DNAH9: variants seen among roughly 807,000 people sequenced by gnomAD.
The protein encoded by DNAH9 is DNAH9 variant protein.
In DNAH9, 345 loss-of-function variants were observed where a neutral mutation model predicts 471.6. The ratio of observed to expected loss-of-function variants is 0.73; its 90% confidence interval spans 0.67 to 0.80. The LOEUF is 0.80. DNAH9 is among the 30% of genes least tolerant of loss of function. The probability of loss-of-function intolerance (pLI) is 0.00; values close to 1 mark genes in which losing one functional copy is unlikely to be tolerated. For synonymous variants in DNAH9, 2,093 were observed against 2,123.6 expected, an observed-to-expected ratio of 0.99 and a Z score of 0.40; for missense variants, 5,407 against 5,609.2, an observed-to-expected ratio of 0.96 and a Z score of 1.15.
At chr17:11,666,227 CA>C (rs2073864872) in intron 15 of DNAH9, among the ~76,000 whole-genome samples, 3 of 152,272 alleles carry the variant, frequency 2.0e-5, no homozygotes, top group African/African-American at 7.2e-5. Flanking sequence ...GCTGGAGGTT[CA>C]GGGGGCTTCA....
At chr17:11,610,994 G>A (rs200315205) in intron 3 of DNAH9, among the ~76,000 whole-genome samples, 23 of 152,142 alleles carry the variant, frequency 1.5e-4, no homozygotes, top group Middle Eastern at 3.4e-3. Context: ...CTCATCACTC[G>A]CAGGGCTGGA....
chr17:11,823,351 C>T (rs183805812), intron 48 of DNAH9, among the ~76,000 whole-genome samples: 20 of 152,236 alleles, frequency 1.3e-4, no homozygotes, highest in African/African-American at 3.6e-4. Flanking sequence ...CTGATCCATC[C>T]GCTCTCATTG....
Position 11,626,517 on chromosome 17 carries a change from T to C in DNAH9, c.1351-2900T>C, listed in dbSNP as rs993399839. Among the ~76,000 whole-genome samples, 4 of 152,184 alleles carry C rather than the reference T, an allele frequency of 2.6e-5. No individual in the cohort carries two copies. The highest frequency in any genetic ancestry group is 9.6e-5 in the African/African-American group (4 of 41,452). On this transcript the variant is annotated intron_variant, in intron 6 of 68. Coordinates refer to ENST00000262442, the MANE Select transcript of DNAH9 (RefSeq NM_001372.4). The surrounding 1 kb of genome is among the most constrained non-coding windows in gnomAD (Gnocchi z 4.3). ...GCGATGGAGAGCTCCCTCCCTCTCT[T>C]TGTAGCCCATTCTACAGCATTAGAT...
chr17:11,862,888 T>C (rs1325983329), intron 50 of DNAH9, among the ~76,000 whole-genome samples: 2 of 152,030 alleles, frequency 1.3e-5, no homozygotes, highest in East Asian at 3.9e-4. Context: ...GAGACTTTGC[T>C]GAAGTTGCTT....
At chr17:11,764,375 G>T (rs1218901720) in intron 36 of DNAH9, among the ~76,000 whole-genome samples, 1 of 152,164 alleles carries the variant, frequency 6.6e-6, no homozygotes, top group Non-Finnish European at 1.5e-5. Flanking sequence ...ATTATTGTAT[G>T]ACAGTTAAGA....
intron 35 of DNAH9, among the ~76,000 whole-genome samples, chr17:11,759,955 G>T (rs1967594788): frequency 6.6e-6 from 1 of 152,046 alleles, no homozygotes; most frequent in Non-Finnish European, 1.5e-5. Context: ...CAAAGTGCTG[G>T]GATTACAGGC....
chr17:11,689,565 G>T lies in DNAH9; in HGVS notation c.3744-1G>T. The T allele has an allele frequency of 6.2e-7, 1 of 1,608,598 alleles. No individual in the cohort carries two copies. On this transcript the variant is annotated splice_acceptor_variant, in intron 19 of 68. Transcript: ENST00000262442. LOFTEE classifies it high-confidence loss of function. ...ACAAAGGAACACACTGTGTTTTGTA[G>T]GTTTGATAGCATCCACCCTCATCAA...
In DNAH9 at chr17:11,871,637, G is replaced by T. The variant is rs758809350; in HGVS notation, c.10093G>T (p.Ala3365Ser). The T allele has an allele frequency of 4.3e-6, 7 of 1,614,194 alleles. No homozygotes were observed. The Admixed American group carries it at 1.2e-4, about 27-fold the overall frequency. The change falls in exon 52 of 69, where the codon GCC (alanine) becomes TCC (serine). Residue 3365 changes from alanine (A) to serine (S), a missense_variant. Coordinates refer to ENST00000262442, the MANE Select transcript of DNAH9 (RefSeq NM_001372.4). Reference sequence around the variant, plus strand: ...TTCTGAAAACGTGAGGTGGGCAGATGCCGTGCAGAACTTCAAACAGCAGGA... The same window carrying T: ...TTCTGAAAACGTGAGGTGGGCAGATTCCGTGCAGAACTTCAAACAGCAGGA... ...LASENVRWAD[A>S]VQNFKQQERT...
chr17:11,653,219 A>G lies in DNAH9; in HGVS notation c.2595+217A>G, dbSNP rs58466999. On this transcript the variant is annotated intron_variant, in intron 14 of 68. Transcript: ENST00000262442. The stretch of plus-strand genomic sequence containing the variant: ...ATGTGTTGAAATTATTACTATCTTC[A>G]TGGTGACAACATTTAATTGTCACAT... 6.1e-4 allele frequency among the ~76,000 whole-genome samples: 93 copies of G among 152,346 alleles called. 1 individual carries two copies. The highest frequency in any genetic ancestry group is 3.4e-3 in the Middle Eastern group (1 of 294).
chr17:11,860,365 CT>C (rs1206378181), intron 50 of DNAH9, among the ~76,000 whole-genome samples: 1 of 152,186 alleles, frequency 6.6e-6, no homozygotes, highest in African/African-American at 2.4e-5. Context: ...TCTTATTCTG[CT>C]TTGGCTCATT....
chr17:11,686,378 C>T (rs1197090014), intron 19 of DNAH9, among the ~76,000 whole-genome samples: 2 of 152,148 alleles, frequency 1.3e-5, no homozygotes, highest in African/African-American at 2.4e-5. Flanking sequence ...TACATTTTGC[C>T]TTATTATTTC....
At chr17:11,711,835 TGTA>T (rs1443118740) in intron 26 of DNAH9, among the ~76,000 whole-genome samples, 1 of 142,820 alleles carries the variant, frequency 7.0e-6, no homozygotes, top group African/African-American at 2.6e-5. Context: ...TTTTTAAAGT[TGTA>T]GTTGCTATAG....
intron 61 of DNAH9, among the ~76,000 whole-genome samples, chr17:11,910,459 T>G (rs1377987501): frequency 6.6e-6 from 1 of 152,238 alleles, no homozygotes; most frequent in Non-Finnish European, 1.5e-5. Context: ...TATTCATCTG[T>G]TGATGGACAC....
intron 35 of DNAH9, among the ~76,000 whole-genome samples, chr17:11,762,770 G>GTTTTGTTTTTTTTT (rs1967747335): frequency 1.1e-5 from 1 of 90,744 alleles, no homozygotes. Flanking sequence ...TTTTTTTTTT[G>GTTTTGTTTTTTTTT]TTTTTTTTTT....
chr17:11,809,362 G>A (rs964119839), intron 44 of DNAH9, among the ~76,000 whole-genome samples: 3 of 152,088 alleles, frequency 2.0e-5, no homozygotes, highest in Admixed American at 1.3e-4. Context: ...TCAGGAGATC[G>A]AAACCATCCT....
chr17:11,942,488 G>A lies in DNAH9; in HGVS notation c.12843+3G>A. 1 of 1,612,878 alleles carries A rather than the reference G, an allele frequency of 6.2e-7. No individual in the cohort carries two copies. Among genetic ancestry groups the A allele is most frequent in the Non-Finnish European group, 8.5e-7 (1 of 1,179,426 alleles). On this transcript the variant is annotated splice_donor_region_variant and intron_variant, in intron 67 of 68. Coordinates refer to ENST00000262442, the MANE Select transcript of DNAH9 (RefSeq NM_001372.4). The stretch of plus-strand genomic sequence containing the variant: ...GGGAGCTGGAGCTCGGCTTAAAGGT[G>A]AGCGCGGTCTTGTAAGGCATGGAGG...
intron 26 of DNAH9, among the ~76,000 whole-genome samples, chr17:11,718,421 G>A (rs1184748100): frequency 1.3e-5 from 2 of 152,238 alleles, no homozygotes; most frequent in Admixed American, 6.5e-5. Flanking sequence ...ATTGTGCTAC[G>A]CACAAGTCTT....
Position 11,623,119 on chromosome 17 carries a change from A to G in DNAH9, c.1350+3338A>G, listed in dbSNP as rs890628504. Among the ~76,000 whole-genome samples, 1 of 151,654 alleles carries G rather than the reference A, an allele frequency of 6.6e-6. No homozygotes were observed. The highest frequency in any genetic ancestry group is 1.9e-4 in the East Asian group (1 of 5,144). On this transcript the variant is annotated intron_variant, in intron 6 of 68. Coordinates refer to ENST00000262442, the MANE Select transcript of DNAH9 (RefSeq NM_001372.4). The surrounding 1 kb of genome is among the most constrained non-coding windows in gnomAD (Gnocchi z 4.1). ...CTCCCAAGTAGCTGGGATTACAGGC[A>G]TGTGCCACCATGCCTGGTTAATTTT...
chr17:11,662,955 C>G (rs1012284665), intron 14 of DNAH9, among the ~76,000 whole-genome samples: 1 of 151,714 alleles, frequency 6.6e-6, no homozygotes, highest in African/African-American at 2.4e-5. Context: ...CGGGGTTTCA[C>G]CGTTTTATCC....
Sources: allele counts gnomAD v4.1 joint callset (sites outside exome capture counted in the v4.1 genomes callset), GRCh38; gene constraint gnomAD v4.1.1; non-coding constraint Gnocchi (gnomAD v3.1); transcripts MANE v1.5; gene names NCBI Gene and HGNC (gene_info 2026-07-23, HGNC 2026-07-21).